PLXNA4: variants seen among roughly 807,000 people sequenced by gnomAD.
PLXNA4 encodes plexin-A4.
Under a neutral mutation model 191.8 loss-of-function variants are expected in PLXNA4, and 44 were observed. That is an observed-to-expected ratio of 0.23 (90% confidence interval 0.18 to 0.29). The LOEUF (loss-of-function observed/expected upper bound fraction) is 0.29. PLXNA4 is among the 10% of genes least tolerant of loss of function. The pLI, the probability that PLXNA4 is intolerant of heterozygous loss-of-function variation, is 1.00. For missense variants in PLXNA4, 1,800 were observed against 2,488.8 expected, an observed-to-expected ratio of 0.72 and a Z score of 5.89; for synonymous variants, 1,082 against 1,009.5, an observed-to-expected ratio of 1.07 and a Z score of -1.36.
intron 1 of PLXNA4, among the ~76,000 whole-genome samples, chr7:132,512,655 C>T (rs1798768754): frequency 1.3e-5 from 2 of 152,166 alleles, no homozygotes. Flanking sequence ...CAGGAACCAC[C>T]ACAGAGGTGA....
intron 4 of PLXNA4, among the ~76,000 whole-genome samples, chr7:132,243,979 A>T (rs571378046): frequency 6.6e-6 from 1 of 151,956 alleles, no homozygotes; most frequent in Admixed American, 6.6e-5. Context: ...ATTGCTCCAC[A>T]CTTTGGATGA....
In PLXNA4 at chr7:132,148,188, T is replaced by C. The variant is rs533926175; in HGVS notation, c.4765-189A>G. ...GATCTGGATACTGACAAGTATTCTG[T>C]TTTGTGGCTTCTCTTGGAGTAACTT... is the stretch of plus-strand genomic sequence containing the variant. On this transcript the variant is annotated intron_variant, in intron 26 of 31. Transcript: ENST00000321063. Among the ~76,000 whole-genome samples the C allele has an allele frequency of 4.6e-5, 7 of 152,220 alleles. No homozygotes were observed. In the South Asian group the frequency reaches 1.2e-3, roughly 27 times the overall value.
Position 132,187,572 on chromosome 7 carries a change from C to T in PLXNA4, c.2892G>A (p.Gly964=). 16 of 1,613,398 alleles carry T rather than the reference C, an allele frequency of 9.9e-6. No homozygotes were observed. The highest frequency in any genetic ancestry group is 1.4e-5 in the Non-Finnish European group (16 of 1,179,654). The part of the protein sequence containing the change: ...LTLSDLKPSR[G]PMSGGTQVTI... ...TCACTTGGGTCCCTCCGGACATGGGCCCCCGGCTGGGCTTCAGATCTGAGA... is the reference window on the plus strand; with the variant it reads ...TCACTTGGGTCCCTCCGGACATGGGTCCCCGGCTGGGCTTCAGATCTGAGA... Residue 964 remains glycine, a synonymous_variant, in exon 15 of 32, where the codon GGG becomes GGA. Transcript: ENST00000321063.
intron 10 of PLXNA4, among the ~76,000 whole-genome samples, chr7:132,207,947 T>G (rs2116887741): frequency 6.6e-6 from 1 of 152,340 alleles, no homozygotes; most frequent in Middle Eastern, 3.4e-3. Flanking sequence ...AATTTGTGCC[T>G]TACTTGCTGT....
At chr7:132,631,133 G>A (rs891059842) in intron 2 of PLXNA4, among the ~76,000 whole-genome samples, 4 of 152,162 alleles carry the variant, frequency 2.6e-5, no homozygotes, top group Admixed American at 6.5e-5. Flanking sequence ...AATATATGCA[G>A]ATTTTGCCCC....
intron 2 of PLXNA4, among the ~76,000 whole-genome samples, chr7:132,494,790 G>T (rs1262111050): frequency 6.6e-6 from 1 of 152,210 alleles, no homozygotes; most frequent in East Asian, 1.9e-4. Context: ...ACTCTGAAAA[G>T]CTCTATCATC....
intron 3 of PLXNA4, among the ~76,000 whole-genome samples, chr7:132,435,755 C>A (rs1023999493): frequency 1.3e-5 from 2 of 152,288 alleles, no homozygotes; most frequent in Admixed American, 6.5e-5. Flanking sequence ...ATCCACAGCA[C>A]GTCCACTGAG....
intron 2 of PLXNA4, among the ~76,000 whole-genome samples, chr7:132,593,222 T>G (rs913208145): frequency 6.6e-6 from 1 of 152,198 alleles, no homozygotes; most frequent in Non-Finnish European, 1.5e-5. Context: ...TGTTGTGGAA[T>G]CTAAATTAGC....
At chr7:132,151,714 G>T (rs1310131658) in intron 25 of PLXNA4, among the ~76,000 whole-genome samples, 2 of 152,156 alleles carry the variant, frequency 1.3e-5, no homozygotes, top group Non-Finnish European at 2.9e-5. Flanking sequence ...CCTGATGAAA[G>T]AGAGCCCAGA....
At chr7:132,574,393 C>T (rs867990470) in intron 1 of PLXNA4, among the ~76,000 whole-genome samples, 3 of 152,218 alleles carry the variant, frequency 2.0e-5, no homozygotes, top group African/African-American at 7.2e-5. Context: ...CTGCTGTACG[C>T]GTAGGTGGGA....
At chr7:132,589,184 G>T (rs559450847) in intron 2 of PLXNA4, among the ~76,000 whole-genome samples, 3 of 152,302 alleles carry the variant, frequency 2.0e-5, no homozygotes, top group African/African-American at 7.2e-5. Context: ...GGTTTCAGGT[G>T]AGTAGGGGAC....
intron 3 of PLXNA4, among the ~76,000 whole-genome samples, chr7:132,477,836 G>A (rs981124677): frequency 7.9e-5 from 12 of 152,120 alleles, no homozygotes; most frequent in Admixed American, 3.3e-4. Flanking sequence ...AATGTTGAAA[G>A]CTTCTATTGC....
chr7:132,150,244 G>A (rs868768051), intron 25 of PLXNA4, among the ~76,000 whole-genome samples: 39 of 152,312 alleles, frequency 2.6e-4, no homozygotes, highest in Middle Eastern at 3.4e-3. Flanking sequence ...GGTCACTAGC[G>A]TTTTTGCTTG....
chr7:132,404,017 G>A (rs916209291), intron 3 of PLXNA4, among the ~76,000 whole-genome samples: 4 of 152,150 alleles, frequency 2.6e-5, no homozygotes, highest in African/African-American at 9.7e-5. Flanking sequence ...GCTGTTCTGG[G>A]GAGCAGATAT....
chr7:132,324,660 G>A (rs1802293685), intron 3 of PLXNA4, among the ~76,000 whole-genome samples: 1 of 152,150 alleles, frequency 6.6e-6, no homozygotes, highest in Non-Finnish European at 1.5e-5. Flanking sequence ...ATGAGGGTCG[G>A]CTATTAAAAA....
At chr7:132,147,866 C>G (rs769762130) in intron 27 of PLXNA4, 34 bp downstream of exon 27, 1 of 1,613,394 alleles carries the variant, frequency 6.2e-7, no homozygotes, top group South Asian at 1.1e-5. Flanking sequence ...CTCAGGACAC[C>G]CAGGCCTCCC....
intron 18 of PLXNA4, 119 bp from the exon 19 acceptor site, chr7:132,180,851 C>A: frequency 2.7e-6 from 4 of 1,467,884 alleles, no homozygotes; most frequent in Non-Finnish European, 3.6e-6. Context: ...AAGAAGCCAC[C>A]TTTGGTAATA....
chr7:132,588,634 A>AGGAAG (rs1188847081), intron 2 of PLXNA4, among the ~76,000 whole-genome samples: 29,209 of 59,780 alleles, frequency 0.49, 8,298 homozygotes, highest in Non-Finnish European at 0.58. Context: ...TGAGGAAGGA[A>AGGAAG]GGAAGGGAAG....
rs577791371 is a variant in PLXNA4, at chr7:132,211,467, G to A, written c.2098-324C>T. ...CTACCCTAGTAGAGACTGCCTCTGC[G>A]GGCTAGGCCTCCCCTCCCACTGGGG... is the stretch of plus-strand genomic sequence containing the variant. On this transcript the variant is annotated intron_variant, in intron 9 of 31. Transcript: ENST00000321063. 9.2e-5 allele frequency among the ~76,000 whole-genome samples: 14 copies of A among 152,302 alleles called. No homozygotes were observed. In the South Asian group the frequency reaches 1.2e-3, roughly 14 times the overall value.
Sources: gnomAD v4.1 joint callset for allele counts (sites outside exome capture counted in the v4.1 genomes callset) on GRCh38, gnomAD v4.1.1 for gene constraint, MANE v1.5 for transcripts, NCBI Gene and HGNC (gene_info 2026-07-23, HGNC 2026-07-21) for gene names.